DOCK3: variants seen among roughly 807,000 people sequenced by gnomAD.
DOCK3 encodes the protein dedicator of cytokinesis 3.
DOCK3 carries 60 observed loss-of-function variants against 265.6 expected under a neutral mutation model. The ratio of observed to expected loss-of-function variants is 0.23; its 90% CI spans 0.18 to 0.28. The LOEUF (loss-of-function observed/expected upper bound fraction) is 0.28, where lower values mean the gene tolerates loss of function less well. Among genes scored for constraint, DOCK3 ranks in the 10% least tolerant of loss-of-function variants. The pLI is 1.00. For synonymous variants in DOCK3, 881 were observed against 938.0 expected (o/e 0.94, Z 1.11); for missense variants, 1,981 against 2,594.3 (o/e 0.76, Z 5.14).
intron 32 of DOCK3, among the ~76,000 whole-genome samples, chr3:51,324,296 A>G (rs200412322): frequency 6.6e-6 from 1 of 152,168 alleles, no homozygotes; most frequent in Admixed American, 6.5e-5. Flanking sequence ...CAAACAGCCA[A>G]ATTATGAGTG....
At chr3:50,920,696 C>G (rs2050402466) in intron 4 of DOCK3, among the ~76,000 whole-genome samples, 1 of 152,106 alleles carries the variant, frequency 6.6e-6, no homozygotes, top group African/African-American at 2.4e-5. Context: ...TTTCAGAAAA[C>G]CAGCTCCTGT....
At chr3:51,095,804 C>T (rs1325118382) in intron 9 of DOCK3, among the ~76,000 whole-genome samples, 2 of 117,548 alleles carry the variant, frequency 1.7e-5, no homozygotes, top group Non-Finnish European at 3.2e-5. Flanking sequence ...CCTTCATTCT[C>T]TCATTCTTTT....
chr3:50,796,585 ACCTTGGCCTC>A (rs2042797595), intron 2 of DOCK3, among the ~76,000 whole-genome samples: 1 of 143,170 alleles, frequency 7.0e-6, no homozygotes. Context: ...TGATTTGCCC[ACCTTGGCCTC>A]CCAAAGTGTT....
At chr3:50,945,476 A>G (rs1274193933) in intron 5 of DOCK3, among the ~76,000 whole-genome samples, 2 of 152,218 alleles carry the variant, frequency 1.3e-5, no homozygotes, top group Admixed American at 6.5e-5. Context: ...TTGTATTAAT[A>G]TAAGAGATTA....
intron 12 of DOCK3, among the ~76,000 whole-genome samples, chr3:51,172,945 T>C (rs1178204650): frequency 6.6e-6 from 1 of 152,242 alleles, no homozygotes; most frequent in Non-Finnish European, 1.5e-5. Flanking sequence ...ACCCAGTTTA[T>C]ATTTTTATGT....
intron 9 of DOCK3, among the ~76,000 whole-genome samples, chr3:51,104,853 A>G (rs146500541): frequency 6.6e-6 from 1 of 152,270 alleles, no homozygotes; most frequent in East Asian, 1.9e-4. Context: ...AAGTGGTAGA[A>G]TCACAGCTCA....
intron 1 of DOCK3, among the ~76,000 whole-genome samples, chr3:50,743,957 A>AT (rs1389917366): frequency 3.9e-5 from 6 of 152,152 alleles, no homozygotes; most frequent in Admixed American, 6.5e-5. Context: ...CTTATTTTCT[A>AT]TTTTTTAAAA....
intron 12 of DOCK3, among the ~76,000 whole-genome samples, chr3:51,179,836 T>A (rs1275904279): frequency 1.3e-5 from 2 of 151,930 alleles, no homozygotes; most frequent in Non-Finnish European, 2.9e-5. Context: ...TGCTTGAGCC[T>A]GGAAGTTCAA....
chr3:51,046,082 A>T (rs1166013535), intron 5 of DOCK3, among the ~76,000 whole-genome samples: 1 of 152,162 alleles, frequency 6.6e-6, no homozygotes, highest in Non-Finnish European at 1.5e-5. Flanking sequence ...ACAAAGAAAA[A>T]AACCTGTCAT....
chr3:51,377,901 C>T (rs540162352), intron 51 of DOCK3, among the ~76,000 whole-genome samples: 79 of 152,306 alleles, frequency 5.2e-4, no homozygotes, highest in African/African-American at 1.7e-3. Flanking sequence ...TTAGGGAAGC[C>T]GCCCAGACCC....
In DOCK3 at chr3:50,773,068, G is replaced by A. The variant is rs143402476; in HGVS notation, c.38-5607G>A. Among the ~76,000 whole-genome samples, 88 of 152,226 alleles carry A rather than the reference G, an allele frequency of 5.8e-4. 1 individual carries two copies. The Middle Eastern group carries it at 0.01, about 18-fold the overall frequency. ...ATAAAGCAGTAGTATCCCAAACAGT[G>A]TGGTACTAGCATAAAAACAGACACA... On this transcript the variant is annotated intron_variant, in intron 1 of 52. Transcript: ENST00000266037.
intron 12 of DOCK3, among the ~76,000 whole-genome samples, chr3:51,194,075 AT>A (rs1297513445): frequency 6.6e-6 from 1 of 151,592 alleles, no homozygotes; most frequent in Non-Finnish European, 1.5e-5. Flanking sequence ...TGCTTTTACT[AT>A]GTCCTACAGG....
intron 5 of DOCK3, among the ~76,000 whole-genome samples, chr3:50,987,567 C>T (rs934419392): frequency 2.6e-5 from 4 of 152,024 alleles, no homozygotes; most frequent in Non-Finnish European, 4.4e-5. Context: ...GATGGCCCAC[C>T]GGAAGCAACT....
chr3:51,273,974 C>T (rs913301317), intron 24 of DOCK3, among the ~76,000 whole-genome samples: 3 of 152,176 alleles, frequency 2.0e-5, no homozygotes, highest in African/African-American at 7.2e-5. Context: ...GGCCCTTACA[C>T]CCCATTCTAC....
chr3:50,836,130 A>G (rs1221967408), intron 2 of DOCK3, among the ~76,000 whole-genome samples: 1 of 152,244 alleles, frequency 6.6e-6, no homozygotes, highest in Non-Finnish European at 1.5e-5. Context: ...ATATTTTGAG[A>G]GGGATCTATT....
At chr3:51,092,329 G>C (rs1336680057) in intron 9 of DOCK3, among the ~76,000 whole-genome samples, 2 of 152,180 alleles carry the variant, frequency 1.3e-5, no homozygotes, top group Non-Finnish European at 2.9e-5. Flanking sequence ...AGCTTGGTTG[G>C]GGGAGGGACA....
chr3:51,171,715 C>CAAAA (rs779355875), intron 12 of DOCK3, among the ~76,000 whole-genome samples: 1 of 83,382 alleles, frequency 1.2e-5, no homozygotes, highest in African/African-American at 4.5e-5. Context: ...GACTCCATCT[C>CAAAA]AAAAAAAAAA....
intron 10 of DOCK3, among the ~76,000 whole-genome samples, chr3:51,157,926 C>T (rs946981539): frequency 1.4e-5 from 2 of 139,206 alleles, no homozygotes; most frequent in African/African-American, 5.5e-5. Flanking sequence ...CTGCCTCAGC[C>T]TCCCGAGTAG....
At chr3:50,853,383 G>T (rs1250649509) in intron 3 of DOCK3, among the ~76,000 whole-genome samples, 1 of 151,910 alleles carries the variant, frequency 6.6e-6, no homozygotes, top group Non-Finnish European at 1.5e-5. Flanking sequence ...GAGGGATGGG[G>T]TTTGGGCTTC....
Sources: allele counts gnomAD v4.1 joint callset (sites outside exome capture counted in the v4.1 genomes callset), GRCh38; gene constraint gnomAD v4.1.1; transcripts MANE v1.5; gene names NCBI Gene and HGNC (gene_info 2026-07-23, HGNC 2026-07-21).